RBFOX1: variants seen among roughly 807,000 people sequenced by gnomAD.
RBFOX1 encodes RNA binding protein fox-1 homolog 1.
Under a neutral mutation model 57.7 loss-of-function variants are expected in RBFOX1, and 8 were observed. That is an observed-to-expected ratio of 0.14 (90% CI 0.08 to 0.25). The LOEUF (loss-of-function observed/expected upper bound fraction) is 0.25, where lower values mean the gene tolerates loss of function less well. Among genes scored for constraint, RBFOX1 ranks in the 10% least tolerant of loss-of-function variants. The probability of loss-of-function intolerance (pLI) is 1.00; values close to 1 mark genes in which losing one functional copy is unlikely to be tolerated. For synonymous variants in RBFOX1, 326 were observed against 222.4 expected (o/e 1.47, Z -4.15); for missense variants, 611 against 548.5 (o/e 1.11, Z -1.14).
At chr16:6,743,762 G>C in intron 3 of RBFOX1, among the ~76,000 whole-genome samples, 1 of 150,676 alleles carries the variant, frequency 6.6e-6, no homozygotes, top group Non-Finnish European at 1.5e-5. Flanking sequence ...GTCTCAAAAG[G>C]AAAGAAGGAA....
intron 4 of RBFOX1, among the ~76,000 whole-genome samples, chr16:7,327,253 G>C (rs1221060070): frequency 6.6e-6 from 1 of 152,188 alleles, no homozygotes; most frequent in East Asian, 1.9e-4. Context: ...AAGTTTAAAT[G>C]GAAAAGTGGA....
rs1555702388 is a variant in RBFOX1, at chr16:7,316,963, A to AACACACAAACACACAC, written c.28-201177_28-201176insAACACACACACACACA. ...TTGCCAAGACGAATGAAGAAGACAG[A>AACACACAAACACACAC]ACACACACACACACACACACACAAA... is the stretch of plus-strand genomic sequence containing the variant. On this transcript the variant is annotated intron_variant, in intron 4 of 15. Coordinates refer to ENST00000550418, the MANE Select transcript of RBFOX1 (RefSeq NM_018723.4). 4.8e-5 allele frequency among the ~76,000 whole-genome samples: 7 copies of AACACACAAACACACAC among 147,004 alleles called. 1 individual carries two copies. The highest frequency in any genetic ancestry group is 1.8e-4 in the African/African-American group (7 of 39,420).
At chr16:7,662,414 T>C (rs740676) in intron 12 of RBFOX1, among the ~76,000 whole-genome samples, 54,827 of 152,036 alleles carry the variant, frequency 0.36, 12,496 homozygotes, top group Non-Finnish European at 0.5. Context: ...CGACCCATTA[T>C]TGAATTCTAC....
intron 1 of RBFOX1, among the ~76,000 whole-genome samples, chr16:6,221,639 G>T (rs1168207302): frequency 6.6e-6 from 1 of 152,192 alleles, no homozygotes; most frequent in African/African-American, 2.4e-5. Context: ...GGTAATTTAT[G>T]AAGGAAAGAG....
chr16:6,266,119 G>T (rs978381252), intron 1 of RBFOX1, among the ~76,000 whole-genome samples: 3 of 152,152 alleles, frequency 2.0e-5, no homozygotes, highest in Non-Finnish European at 2.9e-5. Context: ...AGCTTTAAGA[G>T]CCTCTATCTG....
At chr16:6,912,622 CTA>C (rs2071959114) in intron 3 of RBFOX1, among the ~76,000 whole-genome samples, 1 of 74,768 alleles carries the variant, frequency 1.3e-5, no homozygotes, top group Non-Finnish European at 2.7e-5. Context: ...TGTGTTATTA[CTA>C]TTTTTTTTTT....
chr16:7,252,551 C>G (rs574174233), intron 4 of RBFOX1, among the ~76,000 whole-genome samples: 61 of 152,322 alleles, frequency 4.0e-4, no homozygotes, highest in African/African-American at 1.4e-3. Flanking sequence ...TCTGACAAAG[C>G]TTGTCCATCA....
intron 3 of RBFOX1, among the ~76,000 whole-genome samples, chr16:6,813,804 G>T (rs976105050): frequency 2.0e-5 from 3 of 152,196 alleles, no homozygotes; most frequent in African/African-American, 4.8e-5. Flanking sequence ...GATTCCTGAA[G>T]AATGAGTGAA....
chr16:6,915,978 G>C lies in RBFOX1; in HGVS notation c.-15-136079G>C, dbSNP rs1190177250. ...CCAAAGTACAAGGCAGAAAAATCCA[G>C]TTTGACATTAAAAGCTGTTTTACTG... is the stretch of plus-strand genomic sequence containing the variant. On this transcript the variant is annotated intron_variant, in intron 3 of 15. Coordinates refer to ENST00000550418, the MANE Select transcript of RBFOX1 (RefSeq NM_018723.4). Among the ~76,000 whole-genome samples, 116 of 151,704 alleles carry C rather than the reference G, an allele frequency of 7.6e-4. 1 individual carries two copies. Among genetic ancestry groups the C allele is most frequent in the East Asian group, 1.9e-4 (1 of 5,160 alleles).
intron 1 of RBFOX1, among the ~76,000 whole-genome samples, chr16:6,255,917 C>A (rs1045256893): frequency 1.3e-5 from 2 of 151,278 alleles, no homozygotes; most frequent in Non-Finnish European, 2.9e-5. Flanking sequence ...GGAGGGAGAG[C>A]GTTAGGACAA....
At chr16:5,327,696 C>T (rs2064622612) in intron 1 of RBFOX1, among the ~76,000 whole-genome samples, 1 of 152,190 alleles carries the variant, frequency 6.6e-6, no homozygotes, top group African/African-American at 2.4e-5. Flanking sequence ...CATCCCCCTC[C>T]CCGATTCCCT....
chr16:7,146,835 A>T (rs912773674), intron 4 of RBFOX1, among the ~76,000 whole-genome samples: 1 of 150,222 alleles, frequency 6.7e-6, no homozygotes, highest in African/African-American at 2.5e-5. Context: ...CTGTAGTCCC[A>T]GCTACTTGGG....
chr16:7,073,721 G>A (rs1370491639), intron 4 of RBFOX1, among the ~76,000 whole-genome samples: 1 of 152,022 alleles, frequency 6.6e-6, no homozygotes, highest in Non-Finnish European at 1.5e-5. Flanking sequence ...AAATTACACA[G>A]GAACGGTGGC....
chr16:6,763,725 G>A (rs1180906733), intron 3 of RBFOX1, among the ~76,000 whole-genome samples: 1 of 152,150 alleles, frequency 6.6e-6, no homozygotes, highest in Non-Finnish European at 1.5e-5. Context: ...TAGCCTGATA[G>A]CACGTTTATC....
chr16:6,274,714 A>T (rs1258714852), intron 1 of RBFOX1, among the ~76,000 whole-genome samples: 1 of 152,206 alleles, frequency 6.6e-6, no homozygotes, highest in African/African-American at 2.4e-5. Context: ...GATCTCTGTA[A>T]CATTATTGCC....
intron 2 of RBFOX1, among the ~76,000 whole-genome samples, chr16:6,555,111 T>G (rs946591970): frequency 6.6e-6 from 1 of 152,154 alleles, no homozygotes; most frequent in African/African-American, 2.4e-5. Flanking sequence ...AGGGGGTGCC[T>G]CCATTCTTAT....
At chr16:7,631,836 C>G (rs1022307590) in intron 11 of RBFOX1, among the ~76,000 whole-genome samples, 1 of 152,182 alleles carries the variant, frequency 6.6e-6, no homozygotes, top group Non-Finnish European at 1.5e-5. Context: ...TACCAGCAGT[C>G]ACAGGGAATC....
chr16:6,616,465 A>G (rs1437995746), intron 2 of RBFOX1, among the ~76,000 whole-genome samples: 1 of 151,854 alleles, frequency 6.6e-6, no homozygotes. Context: ...TCACGAGGTC[A>G]GGAGATCGAG....
chr16:7,412,271 C>T (rs1404901280), intron 4 of RBFOX1, among the ~76,000 whole-genome samples: 4 of 151,354 alleles, frequency 2.6e-5, no homozygotes, highest in African/African-American at 9.7e-5. Flanking sequence ...AAAAATTAGC[C>T]AGGCGTGGTG....
Sources: allele counts gnomAD v4.1 joint callset (sites outside exome capture counted in the v4.1 genomes callset), GRCh38; gene constraint gnomAD v4.1.1; transcripts MANE v1.5; gene names NCBI Gene and HGNC (gene_info 2026-07-23, HGNC 2026-07-21).